WBP1: variants seen among roughly 807,000 people sequenced by gnomAD.
WBP1 encodes the protein WW domain-binding protein 1.
Under a neutral mutation model 25.6 loss-of-function variants are expected in WBP1, and 18 were observed. That is an observed-to-expected ratio of 0.70 (90% CI 0.49 to 1.04). WBP1 has a LOEUF of 1.04. Among genes scored for constraint, WBP1 ranks in the 50% least tolerant of loss-of-function variants. The probability of loss-of-function intolerance (pLI) is 0.00; values close to 1 mark genes in which losing one functional copy is unlikely to be tolerated. For missense variants in WBP1, 330 were observed against 352.9 expected (o/e 0.94, Z 0.52); for synonymous variants, 122 against 137.7 (o/e 0.89, Z 0.80).
Position 74,459,702 on chromosome 2 carries a change from C to T in WBP1, c.129C>T (p.Cys43=). 1 of 1,614,184 alleles carries T rather than the reference C, an allele frequency of 6.2e-7. No homozygotes were observed. Among genetic ancestry groups the T allele is most frequent in the Non-Finnish European group, 8.5e-7 (1 of 1,180,032 alleles). Residue 43 remains cysteine, a synonymous_variant, in exon 2 of 4, where the codon TGC becomes TGT. Coordinates refer to ENST00000233615, the MANE Select transcript of WBP1 (RefSeq NM_012477.4). Reference sequence around the variant, plus strand: ...CCTACCTCTGTGAGAGTGGTCACTGCTGCGGGGAGACTGGCTGCTGCACCT... The same window carrying T: ...CCTACCTCTGTGAGAGTGGTCACTGTTGCGGGGAGACTGGCTGCTGCACCT... ...NQPYLCESGH[C]CGETGCCTYY... is the part of the protein sequence containing the mutation.
At position 74,458,641 on chromosome 2, in the gene WBP1, C is replaced by A; in HGVS notation, c.39C>A (p.Ala13=). Residue 13 remains alanine (A), a synonymous_variant, in exon 1 of 4, where the codon GCC becomes GCA. Coordinates refer to ENST00000233615, the MANE Select transcript of WBP1 (RefSeq NM_012477.4). ...GCAGCGGGAACGGCAGCGAGGAGGC[C>A]TGGGGGGCACTTCGGGCGCCGCAAC... ...RASSGNGSEE[A]WGALRAPQQQ... is the part of the protein sequence containing the mutation. The A allele has an allele frequency of 1.3e-6, 2 of 1,571,284 alleles. No individual in the cohort carries two copies. The highest frequency in any genetic ancestry group is 2.3e-5 in the East Asian group (1 of 43,622).
intron 1 of WBP1, chr2:74,459,210 A>G (rs1233222817): frequency 7.0e-7 from 1 of 1,419,508 alleles, no homozygotes; most frequent in African/African-American, 1.4e-5. Flanking sequence ...CGCGCAGGAT[A>G]ATGAAAGCAA....
At position 74,460,216 on chromosome 2, in the gene WBP1, T is replaced by C; in HGVS notation, c.350-5T>C. The C allele has an allele frequency of 6.2e-7, 1 of 1,604,762 alleles. No individual in the cohort carries two copies. Among genetic ancestry groups the C allele is most frequent in the African/African-American group, 1.3e-5 (1 of 74,838 alleles). On this transcript the variant is annotated splice_polypyrimidine_tract_variant and splice_region_variant and intron_variant, in intron 3 of 3. Transcript: ENST00000233615. ...AACCAATCATGCCAATTTTCTCCCC[T>C]GCAGGCTTCCTCAGCACCTTCAAGC...
intron 1 of WBP1, chr2:74,459,063 G>C (rs1360832314): frequency 2.6e-6 from 4 of 1,549,946 alleles, no homozygotes; most frequent in Admixed American, 2.0e-5. Context: ...TCGCGCCCTG[G>C]ATGCCATCCT....
chr2:74,459,212 T>A lies in WBP1; in HGVS notation c.70-431T>A, dbSNP rs547831001. 5.8e-4 allele frequency: 814 copies of A among 1,410,416 alleles called. 4 individuals are homozygous for A. The Middle Eastern group carries it at 0.02, about 34-fold the overall frequency. The allele number at this position is 1,410,416 out of a possible 1,614,324, so 87.4% of individuals were successfully genotyped here. On this transcript the variant is annotated intron_variant, in intron 1 of 3. Coordinates refer to ENST00000233615, the MANE Select transcript of WBP1 (RefSeq NM_012477.4). Reference sequence around the variant, plus strand: ...GGGGGTAGTGAACCGCGCAGGATAATGAAAGCAACTTGCTTTGGAAATGAC... The same window carrying A: ...GGGGGTAGTGAACCGCGCAGGATAAAGAAAGCAACTTGCTTTGGAAATGAC...
intron 1 of WBP1, 55 bp from the exon 2 acceptor site, chr2:74,459,588 G>A (rs1671829415): frequency 6.5e-7 from 1 of 1,545,898 alleles, no homozygotes. Flanking sequence ...AGGTGGGGGT[G>A]GACAGTGCCC....
intron 1 of WBP1, chr2:74,459,114 C>G (rs1671806995): frequency 6.5e-7 from 1 of 1,543,154 alleles, no homozygotes; most frequent in Non-Finnish European, 8.7e-7. Context: ...GAGCACTGCT[C>G]TGGGTCTCAC....
chr2:74,459,609 T>C, intron 1 of WBP1, 34 bp from the exon 2 acceptor site: 1 of 1,604,120 alleles, frequency 6.2e-7, no homozygotes, highest in Non-Finnish European at 8.5e-7. Flanking sequence ...TGGGCTGGAA[T>C]CCCCCTTAGT....
At position 74,458,613 on chromosome 2, in the gene WBP1, C is replaced by T; in HGVS notation, c.11C>T (p.Ala4Val). The T allele has an allele frequency of 6.4e-7, 1 of 1,561,116 alleles. No homozygotes were observed. Among genetic ancestry groups the T allele is most frequent in the Non-Finnish European group, 8.7e-7 (1 of 1,151,888 alleles). Residue 4 changes from alanine to valine, a missense_variant, in exon 1 of 4, where the codon GCC (alanine) becomes GTC (valine). By Grantham distance (64) the Ala-to-Val change is moderately conservative. Transcript: ENST00000233615. ...GCTGTAGGTGGAGGTATGGCTCGGG[C>T]CAGCAGCGGGAACGGCAGCGAGGAG... Reference protein sequence around the residue: MARASSGNGSEEAW... With the variant: MARVSSGNGSEEAW...
At chr2:74,458,805 A>G in intron 1 of WBP1, 134 bp downstream of exon 1, 1 of 1,526,400 alleles carries the variant, frequency 6.6e-7, no homozygotes, top group Non-Finnish European at 8.8e-7. Context: ...TGTCTCTTCC[A>G]CTCTTTGTCT....
rs151042212 is a variant in WBP1 at position 74,460,288 on chromosome 2, C to T, written c.417C>T (p.Pro139=). 3.1e-5 allele frequency: 50 copies of T among 1,614,012 alleles called. No homozygotes were observed. Among genetic ancestry groups the T allele is most frequent in the Middle Eastern group, 1.6e-4 (1 of 6,084 alleles). Residue 139 remains proline, a synonymous_variant, in exon 4 of 4, where the codon CCC becomes CCT. Transcript: ENST00000233615. ...TTCACCGCCCAGGCACACCACCCCC[C>T]CCTTATACTGTGGCCCCAGGCCGCC... The part of the protein sequence containing the change: ...DVVHRPGTPP[P]PYTVAPGRPL...
chr2:74,459,348 G>GGGTGGGGC, intron 1 of WBP1: 1 of 492,096 alleles, frequency 2.0e-6, no homozygotes, highest in Non-Finnish European at 3.8e-6. Flanking sequence ...GGGGGTTGGG[G>GGGTGGGGC]AGAGTGAGGC....
chr2:74,458,695 A>G, intron 1 of WBP1, 24 bp downstream of exon 1: 2 of 1,562,466 alleles, frequency 1.3e-6, no homozygotes, highest in Non-Finnish European at 1.7e-6. Context: ...TCCAAAACCT[A>G]TCACGACAGC....
chr2:74,460,190 C>T, intron 3 of WBP1, 31 bp from the exon 4 acceptor site: 1 of 1,590,154 alleles, frequency 6.3e-7, no homozygotes, highest in South Asian at 1.1e-5. Flanking sequence ...TGGTTGTCTT[C>T]AACCAATCAT....
chr2:74,459,191 G>C (rs1349627206), intron 1 of WBP1: 1 of 1,495,290 alleles, frequency 6.7e-7, no homozygotes. Flanking sequence ...CGGGTGGGGG[G>C]TAGTGAACCG....
At position 74,459,901 on chromosome 2, in the gene WBP1, C is replaced by T. The variant is rs1188954637; in HGVS notation, c.201C>T (p.Ile67=). Residue 67 remains isoleucine, a synonymous_variant, in exon 3 of 4, where the codon ATC becomes ATT. Coordinates refer to ENST00000233615, the MANE Select transcript of WBP1 (RefSeq NM_012477.4). ...TCTGGCTGCTCTGGACTGTCCTCAT[C>T]CTCTTTAGCTGCTGTTGCGCCTTCC... ...WWFWLLWTVL[I]LFSCCCAFRH... The T allele has an allele frequency of 3.7e-6, 6 of 1,614,078 alleles. No homozygotes were observed. Among genetic ancestry groups the T allele is most frequent in the Admixed American group, 3.3e-5 (2 of 60,002 alleles).
Position 74,459,971 on chromosome 2 carries a change from C to G in WBP1, c.271C>G (p.Arg91Gly). The G allele has an allele frequency of 6.2e-7, 1 of 1,614,192 alleles. No homozygotes were observed. The highest frequency in any genetic ancestry group is 8.5e-7 in the Non-Finnish European group (1 of 1,180,038). The change falls in exon 3 of 4, where the codon CGT becomes GGT. Residue 91 changes from arginine (R) to glycine (G), a missense_variant. Arg to Gly is a moderately radical substitution (Grantham distance 125). Transcript: ENST00000233615. ...CAGGCTGCAACAACAGCAGCGGCAG[C>G]GTGAAATCAACTTGTTGGCCTATCA... The part of the protein sequence containing the change: ...KLRLQQQQRQ[R>G]EINLLAYHGA...
chr2:74,458,958 T>G (rs878917407), intron 1 of WBP1: 1 of 1,550,716 alleles, frequency 6.4e-7, no homozygotes, highest in East Asian at 2.4e-5. Flanking sequence ...TTGCAACAGT[T>G]ATTTGTGATC....
chr2:74,459,706 G>A lies in WBP1; in HGVS notation c.133G>A (p.Gly45Arg). 6.2e-7 allele frequency: 1 copy of A among 1,614,146 alleles called. No individual in the cohort carries two copies. ...CCTCTGTGAGAGTGGTCACTGCTGC[G>A]GGGAGACTGGCTGCTGCACCTACTA... ...PYLCESGHCC[G>R]ETGCCTYYYE... The change falls in exon 2 of 4, where the codon GGG becomes AGG. Residue 45 changes from glycine to arginine, a missense_variant. By Grantham distance (125) the Gly-to-Arg change is moderately radical (BLOSUM62 -2). Coordinates refer to ENST00000233615, the MANE Select transcript of WBP1 (RefSeq NM_012477.4).
Sources: allele counts gnomAD v4.1 joint callset, GRCh38; gene constraint gnomAD v4.1.1; transcripts MANE v1.5; gene names NCBI Gene and HGNC (gene_info 2026-07-23, HGNC 2026-07-21).